CHD6: variants seen among roughly 807,000 people sequenced by gnomAD.
The protein encoded by CHD6 is chromodomain helicase DNA binding protein 6.
A neutral mutation model predicts 276.9 loss-of-function variants in CHD6; 50 were observed. The ratio of observed to expected loss-of-function variants is 0.18; its 90% CI spans 0.14 to 0.23. CHD6 has a LOEUF of 0.23. Among genes scored for constraint, CHD6 ranks in the 10% least tolerant of loss-of-function variants. The pLI, the probability that CHD6 is intolerant of heterozygous loss-of-function variation, is 1.00. For synonymous variants in CHD6, 1,173 were observed against 1,229.3 expected, an observed-to-expected ratio of 0.95 and a Z score of 0.96; for missense variants, 2,564 against 3,365.8, an observed-to-expected ratio of 0.76 and a Z score of 5.89.
At chr20:41,438,169 C>T (rs1206166899) in intron 26 of CHD6, among the ~76,000 whole-genome samples, 7 of 152,240 alleles carry the variant, frequency 4.6e-5, no homozygotes, top group African/African-American at 1.7e-4. Context: ...TCTGCTGCCA[C>T]TGGTTAACAA....
intron 1 of CHD6, among the ~76,000 whole-genome samples, chr20:41,574,664 T>A (rs767499603): frequency 2.2e-4 from 34 of 152,186 alleles, no homozygotes; most frequent in Non-Finnish European, 4.1e-4. Context: ...AGAACGATTA[T>A]GAGGTAATAT....
At chr20:41,548,542 T>C (rs144957392) in intron 2 of CHD6, among the ~76,000 whole-genome samples, 3,372 of 152,244 alleles carry the variant, frequency 0.022, 46 homozygotes, top group South Asian at 0.04. Flanking sequence ...ATAAAAACGC[T>C]AGAAGAAAAC....
At chr20:41,506,722 G>C (rs1314483019) in intron 5 of CHD6, among the ~76,000 whole-genome samples, 1 of 152,116 alleles carries the variant, frequency 6.6e-6, no homozygotes, top group African/African-American at 2.4e-5. Flanking sequence ...ATGCCGTGTA[G>C]GTTCAAAATC....
intron 27 of CHD6, 60 bp downstream of exon 27, chr20:41,437,214 G>T (rs773321606): frequency 7.9e-7 from 1 of 1,272,716 alleles, no homozygotes; most frequent in Admixed American, 1.7e-5. Flanking sequence ...TACCAAGATA[G>T]GGATTTCTTT....
intron 1 of CHD6, among the ~76,000 whole-genome samples, chr20:41,555,061 G>A (rs2045204182): frequency 7.0e-6 from 1 of 143,276 alleles, no homozygotes; most frequent in African/African-American, 2.6e-5. Flanking sequence ...GTGGGGGGCT[G>A]ATTCCCCCAC....
chr20:41,451,820 T>G lies in CHD6; in HGVS notation c.3523+6A>C, dbSNP rs2048250296. ...GCTTCTTAGGCATGGCCCTGCCACCTCTCACCTGAGTGGTTCTGGAGGGTC... is the reference window on the plus strand; with the variant it reads ...GCTTCTTAGGCATGGCCCTGCCACCGCTCACCTGAGTGGTTCTGGAGGGTC... On this transcript the variant is annotated splice_donor_region_variant and intron_variant, in intron 22 of 36. Transcript: ENST00000373233. 6.8e-6 allele frequency: 11 copies of G among 1,613,710 alleles called. No homozygotes were observed. Among genetic ancestry groups the G allele is most frequent in the Non-Finnish European group, 9.3e-6 (11 of 1,179,606 alleles).
At chr20:41,523,650 GTT>G (rs200892102) in intron 3 of CHD6, among the ~76,000 whole-genome samples, 1 of 141,170 alleles carries the variant, frequency 7.1e-6, no homozygotes, top group Admixed American at 7.1e-5. Context: ...TTTGTTTTTT[GTT>G]TTTTTTTTTG....
chr20:41,514,063 A>G (rs2044190336), intron 4 of CHD6, among the ~76,000 whole-genome samples: 1 of 152,208 alleles, frequency 6.6e-6, no homozygotes. Flanking sequence ...CTCTGACACC[A>G]GACACTGCTG....
chr20:41,534,753 G>T (rs78312921), intron 2 of CHD6, among the ~76,000 whole-genome samples: 4,617 of 152,286 alleles, frequency 0.03, 88 homozygotes, highest in Middle Eastern at 0.071. Flanking sequence ...ACTTGAGATG[G>T]CTTTGGAAAA....
chr20:41,495,102 T>C (rs1228280262), intron 8 of CHD6, among the ~76,000 whole-genome samples: 1 of 151,994 alleles, frequency 6.6e-6, no homozygotes, highest in African/African-American at 2.4e-5. Context: ...ATCTTAATGA[T>C]ACGAAAAGCT....
intron 5 of CHD6, among the ~76,000 whole-genome samples, chr20:41,506,083 T>C (rs6072392): frequency 0.38 from 58,176 of 151,920 alleles, 13,902 homozygotes; most frequent in African/African-American, 0.66. Flanking sequence ...CAAAACCCAA[T>C]CTATTTCTCA....
Position 41,403,343 on chromosome 20 carries a change from C to G in CHD6, c.*1250G>C, listed in dbSNP as rs376302098. ...TGAAGAGTGAGACCATCAGAAGGGACGTTAACATGAAGGTGAAAGGACATG... is the reference window on the plus strand; with the variant it reads ...TGAAGAGTGAGACCATCAGAAGGGAGGTTAACATGAAGGTGAAAGGACATG... On this transcript the variant is annotated 3_prime_UTR_variant, in exon 37 of 37. Coordinates refer to ENST00000373233, the MANE Select transcript of CHD6 (RefSeq NM_032221.5). 9.4e-7 allele frequency: 1 copy of G among 1,062,312 alleles called. No individual in the cohort carries two copies. The highest frequency in any genetic ancestry group is 4.6e-5 in the South Asian group (1 of 21,956). 65.8% of individuals were successfully genotyped at this position (1,062,312 alleles called of 1,614,324 possible).
chr20:41,598,424 G>T (rs1031043315), intron 1 of CHD6, among the ~76,000 whole-genome samples: 2 of 150,916 alleles, frequency 1.3e-5, no homozygotes, highest in Non-Finnish European at 3.0e-5. Context: ...GGCTAGCACG[G>T]ATTAAATATT....
intron 1 of CHD6, among the ~76,000 whole-genome samples, chr20:41,595,454 G>A (rs963189058): frequency 4.6e-5 from 7 of 152,212 alleles, no homozygotes; most frequent in African/African-American, 1.4e-4. Flanking sequence ...TGAGGGAAGC[G>A]GCCCAAGAAG....
intron 27 of CHD6, among the ~76,000 whole-genome samples, chr20:41,434,072 A>G (rs2047626977): frequency 1.3e-5 from 2 of 152,228 alleles, no homozygotes; most frequent in Non-Finnish European, 1.5e-5. Flanking sequence ...TTAATGTATC[A>G]ATAATTACAT....
At position 41,453,232 on chromosome 20, in the gene CHD6, C is replaced by A. The variant is rs191780062; in HGVS notation, c.3121-290G>T. ...GGTGTGGGCAGGCAAGGCCCCCCCCCAGTGACCAAAGTGGTGTCGGCTCTA... is the reference window on the plus strand; with the variant it reads ...GGTGTGGGCAGGCAAGGCCCCCCCCAAGTGACCAAAGTGGTGTCGGCTCTA... On this transcript the variant is annotated intron_variant, in intron 20 of 36. Coordinates refer to ENST00000373233, the MANE Select transcript of CHD6 (RefSeq NM_032221.5). Among the ~76,000 whole-genome samples the A allele has an allele frequency of 3.3e-4, 51 of 152,252 alleles. No individual in the cohort carries two copies. The East Asian group carries it at 8.3e-3, about 25-fold the overall frequency.
intron 1 of CHD6, among the ~76,000 whole-genome samples, chr20:41,560,046 C>T (rs373794301): frequency 6.6e-6 from 1 of 152,054 alleles, no homozygotes; most frequent in Non-Finnish European, 1.5e-5. Context: ...CCTCTCCAGT[C>T]GACTCCGGTT....
chr20:41,560,048 A>C (rs1445529651), intron 1 of CHD6, among the ~76,000 whole-genome samples: 1 of 150,822 alleles, frequency 6.6e-6, no homozygotes, highest in African/African-American at 2.4e-5. Flanking sequence ...TCTCCAGTCG[A>C]CTCCGGTTTA....
intron 17 of CHD6, among the ~76,000 whole-genome samples, chr20:41,457,763 G>C (rs572114977): frequency 2.0e-5 from 3 of 152,290 alleles, no homozygotes; most frequent in Non-Finnish European, 2.9e-5. Flanking sequence ...TGTCCTCTTG[G>C]AAGATATGCT....
Sources: allele counts gnomAD v4.1 joint callset (sites outside exome capture counted in the v4.1 genomes callset), GRCh38; gene constraint gnomAD v4.1.1; transcripts MANE v1.5; gene names NCBI Gene and HGNC (gene_info 2026-07-23, HGNC 2026-07-21).